The following MIPEP variants were observed in gnomAD, a reference collection of about 807,000 sequenced individuals.
MIPEP encodes mitochondrial intermediate peptidase.
In MIPEP, 79 loss-of-function variants were observed where a neutral mutation model predicts 90.3. The ratio of observed to expected loss-of-function variants is 0.87; its 90% CI spans 0.73 to 1.05. The LOEUF (loss-of-function observed/expected upper bound fraction) is 1.05. Among genes scored for constraint, MIPEP ranks in the 50% least tolerant of loss-of-function variants. The pLI is 0.00. For synonymous variants in MIPEP, 334 were observed against 315.8 expected (o/e 1.06, Z -0.61); for missense variants, 940 against 905.6 (o/e 1.04, Z -0.49).
intron 6 of MIPEP, 89 bp from the exon 7 acceptor site, chr13:23,869,537 C>A: frequency 8.4e-7 from 1 of 1,191,224 alleles, no homozygotes; most frequent in South Asian, 1.8e-5. Flanking sequence ...ACCACTTGAT[C>A]TGCAGATGAT....
At chr13:23,813,611 C>T (rs1953200206) in intron 14 of MIPEP, among the ~76,000 whole-genome samples, 1 of 152,126 alleles carries the variant, frequency 6.6e-6, no homozygotes, top group Non-Finnish European at 1.5e-5. Context: ...ACCTATCTCT[C>T]TCATAAATAG....
At chr13:23,732,074 C>T (rs1408413832) in intron 18 of MIPEP, among the ~76,000 whole-genome samples, 8 of 149,238 alleles carry the variant, frequency 5.4e-5, no homozygotes, top group Non-Finnish European at 3.0e-5. Flanking sequence ...ACTGCAGCCT[C>T]GACTTCCCAG....
At chr13:23,802,695 T>TCTTAAC (rs1953058165) in intron 16 of MIPEP, among the ~76,000 whole-genome samples, 1 of 152,156 alleles carries the variant, frequency 6.6e-6, no homozygotes, top group African/African-American at 2.4e-5. Context: ...CTTAAAGATT[T>TCTTAAC]TTTAACTTTA....
chr13:23,769,107 G>A (rs1952623100), intron 16 of MIPEP, among the ~76,000 whole-genome samples: 1 of 152,156 alleles, frequency 6.6e-6, no homozygotes, highest in African/African-American at 2.4e-5. Context: ...AACATCTGCT[G>A]AGAAAATGGT....
intron 14 of MIPEP, among the ~76,000 whole-genome samples, chr13:23,818,049 T>A (rs1048041887): frequency 6.6e-6 from 1 of 152,084 alleles, no homozygotes; most frequent in Non-Finnish European, 1.5e-5. Context: ...TTGTCACAGT[T>A]GGGCCATACA....
At chr13:23,868,069 A>G (rs1870617650) in intron 7 of MIPEP, among the ~76,000 whole-genome samples, 6 of 152,136 alleles carry the variant, frequency 3.9e-5, no homozygotes. Flanking sequence ...CACACATTTA[A>G]TACATAACAT....
Position 23,881,757 on chromosome 13 carries a change from G to C in MIPEP, c.394C>G (p.Pro132Ala). ...ADFVKIAHPE[P>A]AFREAAEEAC... ...TCTTCCGCAGCTTCTCTGAATGCTG[G>C]CTCAGGGTGAGCGATTTTCACAAAA... is the stretch of plus-strand genomic sequence containing the variant. Residue 132 changes from proline (P) to alanine (A), a missense_variant, in exon 3 of 19, where the codon CCA becomes GCA. Coordinates refer to ENST00000382172, the MANE Select transcript of MIPEP (RefSeq NM_005932.4). The C allele has an allele frequency of 1.2e-6, 2 of 1,613,902 alleles. No homozygotes were observed.
intron 14 of MIPEP, among the ~76,000 whole-genome samples, chr13:23,831,444 T>G (rs574390051): frequency 6.6e-6 from 1 of 151,082 alleles, no homozygotes; most frequent in South Asian, 2.1e-4. Context: ...ACAGAATATC[T>G]GAGACTGGGT....
intron 13 of MIPEP, 96 bp downstream of exon 13, chr13:23,837,456 G>C (rs770105621): frequency 3.1e-6 from 3 of 958,862 alleles, no homozygotes; most frequent in African/African-American, 3.2e-5. Flanking sequence ...ACGGTAAAAT[G>C]ATCACATTTT....
At chr13:23,775,910 A>AT (rs548343249) in intron 16 of MIPEP, among the ~76,000 whole-genome samples, 3 of 152,232 alleles carry the variant, frequency 2.0e-5, no homozygotes, top group South Asian at 4.2e-4. Flanking sequence ...ATTTAAAAGA[A>AT]TTTTTTTTGG....
intron 18 of MIPEP, among the ~76,000 whole-genome samples, chr13:23,755,517 T>C (rs1203578164): frequency 1.3e-5 from 2 of 152,214 alleles, no homozygotes; most frequent in Non-Finnish European, 2.9e-5. Context: ...TTCTCCAATA[T>C]TGAAAGTTAT....
chr13:23,809,260 A>C (rs764801947), intron 15 of MIPEP, among the ~76,000 whole-genome samples: 1 of 152,240 alleles, frequency 6.6e-6, no homozygotes, highest in Non-Finnish European at 1.5e-5. Flanking sequence ...ATTAAGTTTG[A>C]GCCTTAATTT....
rs188869402 is a variant in MIPEP, at chr13:23,796,106, C to T, written c.1848+9844G>A. Among the ~76,000 whole-genome samples, 102 of 151,950 alleles carry T rather than the reference C, an allele frequency of 6.7e-4. No individual in the cohort carries two copies. In the Middle Eastern group the frequency reaches 0.014, roughly 20 times the overall value. ...GTATATACATGTATGCTCTATATAT[C>T]GAACAAAGAAGCTCTTAAAAATTGA... On this transcript the variant is annotated intron_variant, in intron 16 of 18. Coordinates refer to ENST00000382172, the MANE Select transcript of MIPEP (RefSeq NM_005932.4).
chr13:23,849,854 C>T (rs1869726987), intron 10 of MIPEP, among the ~76,000 whole-genome samples: 1 of 152,220 alleles, frequency 6.6e-6, no homozygotes, highest in South Asian at 2.1e-4. Context: ...TATATTTCAA[C>T]CTCTGACGCA....
intron 17 of MIPEP, among the ~76,000 whole-genome samples, chr13:23,757,499 T>C (rs1952500601): frequency 6.6e-6 from 1 of 152,212 alleles, no homozygotes; most frequent in African/African-American, 2.4e-5. Context: ...AAATGAGGCT[T>C]GAAATTATAC....
Position 23,858,118 on chromosome 13 carries a change from A to AT in MIPEP, c.1106+741dup, listed in dbSNP as rs1005583278. ...AGTTGTTAAAGAGTAGGATTCTGAG[A>AT]TTTTTTTTTAAAAATTCCTATTGGG... On this transcript the variant is annotated intron_variant, in intron 10 of 18. Coordinates refer to ENST00000382172, the MANE Select transcript of MIPEP (RefSeq NM_005932.4). Among the ~76,000 whole-genome samples, 437 of 151,972 alleles carry AT rather than the reference A, an allele frequency of 2.9e-3. 5 individuals carry two copies. The highest frequency in any genetic ancestry group is 9.8e-3 in the African/African-American group (405 of 41,436).
intron 7 of MIPEP, among the ~76,000 whole-genome samples, chr13:23,868,303 C>T (rs549135084): frequency 6.6e-6 from 1 of 152,216 alleles, no homozygotes; most frequent in South Asian, 2.1e-4. Context: ...GGAACCCAGG[C>T]CGCAATGAGC....
At chr13:23,734,440 G>A (rs1474113748) in intron 18 of MIPEP, among the ~76,000 whole-genome samples, 2 of 152,204 alleles carry the variant, frequency 1.3e-5, no homozygotes, top group Non-Finnish European at 2.9e-5. Context: ...ATCAGACTGA[G>A]TCAAGGAAAC....
chr13:23,872,849 T>C (rs1427195284), intron 5 of MIPEP, among the ~76,000 whole-genome samples: 1 of 152,210 alleles, frequency 6.6e-6, no homozygotes, highest in Non-Finnish European at 1.5e-5. Context: ...ACATGGATTC[T>C]CTACTAGCAA....
Sources: allele counts gnomAD v4.1 joint callset (sites outside exome capture counted in the v4.1 genomes callset), GRCh38; gene constraint gnomAD v4.1.1; transcripts MANE v1.5; gene names NCBI Gene and HGNC (gene_info 2026-07-23, HGNC 2026-07-21).